The following LIN54 variants were observed in gnomAD, a reference collection of about 807,000 sequenced individuals.
LIN54 encodes protein lin-54 homolog.
A neutral mutation model predicts 78.7 loss-of-function variants in LIN54; 9 were observed. The ratio of observed to expected loss-of-function variants is 0.11; its 90% CI spans 0.07 to 0.20. LIN54 has a LOEUF of 0.20. Ranked by LOEUF, LIN54 falls within the 10% of genes least tolerant of loss-of-function variation. The probability of loss-of-function intolerance (pLI) is 1.00; values close to 1 mark genes in which losing one functional copy is unlikely to be tolerated. For missense variants in LIN54, 573 were observed against 889.9 expected, an observed-to-expected ratio of 0.64 and a Z score of 4.53; for synonymous variants, 269 against 318.4, an observed-to-expected ratio of 0.84 and a Z score of 1.65.
chr4:82,930,404 GA>G, intron 12 of LIN54, among the ~76,000 whole-genome samples: 1 of 152,272 alleles, frequency 6.6e-6, no homozygotes, highest in Admixed American at 6.5e-5. Context: ...TTAAGGATAA[GA>G]AAACTGAGGC....
chr4:82,930,901 G>C, intron 12 of LIN54, 42 bp downstream of exon 12: 1 of 1,573,116 alleles, frequency 6.4e-7, no homozygotes, highest in Admixed American at 1.7e-5. Flanking sequence ...TTTACCAAAA[G>C]TATTTGGGAA....
chr4:82,970,390 A>G lies in LIN54; in HGVS notation c.888T>C (p.Thr296=), dbSNP rs907143487. 3.1e-6 allele frequency: 5 copies of G among 1,613,550 alleles called. No homozygotes were observed. Among genetic ancestry groups the G allele is most frequent in the Non-Finnish European group, 4.2e-6 (5 of 1,179,662 alleles). ...TISESGVIGS[T]LNSTTQTPNK... is the part of the protein sequence containing the mutation. ...TTGGTGTCTGTGTTGTAGAATTTAAAGTTGATCCAATAACACCACTTTCAG... is the reference window on the plus strand; with the variant it reads ...TTGGTGTCTGTGTTGTAGAATTTAAGGTTGATCCAATAACACCACTTTCAG... The change falls in exon 4 of 13, where the codon ACT becomes ACC. Residue 296 remains threonine, a synonymous_variant. Transcript: ENST00000340417.
chr4:82,935,342 G>A (rs773243232), intron 11 of LIN54, among the ~76,000 whole-genome samples: 33 of 151,220 alleles, frequency 2.2e-4, no homozygotes, highest in Non-Finnish European at 4.1e-4. Context: ...AAGCTGGAGT[G>A]CAGTGCCATG....
intron 1 of LIN54, among the ~76,000 whole-genome samples, chr4:82,985,442 T>C (rs554167123): frequency 1.3e-5 from 2 of 152,324 alleles, no homozygotes; most frequent in African/African-American, 4.8e-5. Context: ...GCAGATCAAA[T>C]AGCATTTGTG....
At chr4:82,934,225 C>T (rs1722203407) in intron 11 of LIN54, among the ~76,000 whole-genome samples, 1 of 152,078 alleles carries the variant, frequency 6.6e-6, no homozygotes, top group African/African-American at 2.4e-5. Context: ...GTGGTGAAAC[C>T]CTGTCTCTAC....
chr4:82,972,056 T>C (rs908834001), intron 3 of LIN54, among the ~76,000 whole-genome samples: 2 of 152,064 alleles, frequency 1.3e-5, no homozygotes, highest in East Asian at 3.9e-4. Context: ...GTATGCCTTT[T>C]GTTTTGTTTT....
chr4:83,010,832 C>A (rs1170057129), upstream of LIN54: 3 of 1,231,686 alleles, frequency 2.4e-6, no homozygotes, highest in East Asian at 9.5e-5. Flanking sequence ...GTAACCTCCC[C>A]CTTCCTCCTC....
At chr4:83,011,260 A>T (rs562660895), upstream of LIN54, among the ~76,000 whole-genome samples, 4 of 152,338 alleles carry the variant, frequency 2.6e-5, no homozygotes, top group South Asian at 8.3e-4. Context: ...CTTTGACAGG[A>T]TGAGCTATTT....
chr4:82,990,056 C>G (rs1267007973), intron 1 of LIN54, among the ~76,000 whole-genome samples: 1 of 152,190 alleles, frequency 6.6e-6, no homozygotes, highest in Non-Finnish European at 1.5e-5. Context: ...CTCCCCATCC[C>G]CACTGCCCTT....
chr4:82,988,180 T>C (rs1324423790), intron 1 of LIN54, among the ~76,000 whole-genome samples: 1 of 152,214 alleles, frequency 6.6e-6, no homozygotes, highest in Non-Finnish European at 1.5e-5. Flanking sequence ...AATGTTTCTT[T>C]TGAGAAGTGG....
Position 83,010,611 on chromosome 4 carries a change from TCC to T in LIN54, c.-162_-161del. ...GATAGCTCTGGCCAGCAGCTTCCTT[TCC>T]CAGTTTGTCCAAACTGGAGCGCTCC... On this transcript the variant is annotated 5_prime_UTR_variant, in exon 1 of 13. Transcript: ENST00000340417. 1 of 1,228,102 alleles carries T rather than the reference TCC, an allele frequency of 8.1e-7. No individual in the cohort carries two copies. Among genetic ancestry groups the T allele is most frequent in the East Asian group, 3.2e-5 (1 of 31,320 alleles). 76.1% of individuals were successfully genotyped at this position (1,228,102 alleles called of 1,614,324 possible).
intron 3 of LIN54, among the ~76,000 whole-genome samples, chr4:82,972,557 A>G (rs1725751196): frequency 6.6e-6 from 1 of 152,210 alleles, no homozygotes; most frequent in African/African-American, 2.4e-5. Context: ...TACCTGTGAG[A>G]TAAGTATGAA....
intron 1 of LIN54, among the ~76,000 whole-genome samples, chr4:82,995,142 T>G (rs1315171567): frequency 6.6e-6 from 1 of 151,604 alleles, no homozygotes; most frequent in Non-Finnish European, 1.5e-5. Context: ...AAAAAATAAT[T>G]TTTAAAAATT....
chr4:83,005,213 T>C (rs1349773199), intron 1 of LIN54, among the ~76,000 whole-genome samples: 1 of 152,196 alleles, frequency 6.6e-6, no homozygotes, highest in African/African-American at 2.4e-5. Context: ...TTACTTTTGA[T>C]TTATACTTGG....
intron 1 of LIN54, among the ~76,000 whole-genome samples, chr4:82,990,307 G>A (rs570514048): frequency 6.6e-6 from 1 of 152,306 alleles, no homozygotes; most frequent in African/African-American, 2.4e-5. Context: ...GTAGTCATGT[G>A]TCAGAGACAA....
intron 4 of LIN54, among the ~76,000 whole-genome samples, chr4:82,959,226 G>A (rs778010277): frequency 5.3e-5 from 8 of 152,104 alleles, no homozygotes; most frequent in Non-Finnish European, 8.8e-5. Context: ...AGCTGATGGT[G>A]GTGGCTCATG....
At chr4:82,964,739 T>C (rs1725069182) in intron 4 of LIN54, among the ~76,000 whole-genome samples, 1 of 152,036 alleles carries the variant, frequency 6.6e-6, no homozygotes, top group Non-Finnish European at 1.5e-5. Flanking sequence ...AGAAAAAAAT[T>C]TAAAAGGCCG....
chr4:82,983,252 G>A (rs1216194728), intron 2 of LIN54, among the ~76,000 whole-genome samples: 6 of 151,912 alleles, frequency 3.9e-5, no homozygotes, highest in Admixed American at 2.6e-4. Flanking sequence ...CAGGTGATCC[G>A]CCCACCTCAG....
At chr4:82,935,268 A>ATATATATT (rs958813022) in intron 11 of LIN54, among the ~76,000 whole-genome samples, 3 of 147,766 alleles carry the variant, frequency 2.0e-5, no homozygotes, top group African/African-American at 2.5e-5. Context: ...CCATATATAT[A>ATATATATT]TATATATTTA....
Sources: gnomAD v4.1 joint callset for allele counts (sites outside exome capture counted in the v4.1 genomes callset) on GRCh38, gnomAD v4.1.1 for gene constraint, MANE v1.5 for transcripts, NCBI Gene and HGNC (gene_info 2026-07-23, HGNC 2026-07-21) for gene names.